Variants in CCL24 observed in about 807,000 individuals in gnomAD.
CCL24 encodes the protein C-C motif chemokine ligand 24.
Under a neutral mutation model 8.6 loss-of-function variants are expected in CCL24, and 6 were observed. The observed-to-expected ratio is 0.70, with a 90% CI of 0.38 to 1.38. CCL24 has a LOEUF of 1.38. CCL24 is among the 40% of genes most tolerant of loss of function. The pLI is 0.02. For missense variants in CCL24, 126 were observed against 147.1 expected, an observed-to-expected ratio of 0.86 and a Z score of 0.74; for synonymous variants, 59 against 52.7, an observed-to-expected ratio of 1.12 and a Z score of -0.52.
upstream of CCL24, among the ~76,000 whole-genome samples, chr7:75,818,506 T>G (rs1803943230): frequency 6.8e-6 from 1 of 147,948 alleles, no homozygotes; most frequent in Non-Finnish European, 1.5e-5. Context: ...CCAGGTGCAA[T>G]GGCTCACACA....
chr7:75,816,227 A>G (rs901402221), upstream of CCL24, among the ~76,000 whole-genome samples: 2 of 152,222 alleles, frequency 1.3e-5, no homozygotes, highest in African/African-American at 4.8e-5. Flanking sequence ...CCTCTGGACC[A>G]GGGACTCCTG....
chr7:75,820,130 T>TCTTCTC (rs1804010463), intron 1 of CCL24, among the ~76,000 whole-genome samples: 1 of 81,374 alleles, frequency 1.2e-5, no homozygotes, highest in African/African-American at 3.9e-5. Flanking sequence ...TTCTTCTTCT[T>TCTTCTC]CTCCTCCTCC....
chr7:75,819,317 T>C (rs1271478867), intron 1 of CCL24, among the ~76,000 whole-genome samples: 3 of 47,286 alleles, frequency 6.3e-5, no homozygotes, highest in African/African-American at 2.0e-4. Context: ...TATATATATA[T>C]ATATATATAT....
At chr7:75,817,868 T>C (rs1563352674), upstream of CCL24, among the ~76,000 whole-genome samples, 2 of 151,604 alleles carry the variant, frequency 1.3e-5, no homozygotes, top group Non-Finnish European at 2.9e-5. Flanking sequence ...TCTCTCTTTG[T>C]CACCCAGGCT....
chr7:75,821,797 G>A (rs1053144654), intron 1 of CCL24, among the ~76,000 whole-genome samples: 30 of 151,648 alleles, frequency 2.0e-4, no homozygotes, highest in Admixed American at 1.8e-3. Flanking sequence ...GCGTAGTGGC[G>A]GGCGCCTGTA....
upstream of CCL24, among the ~76,000 whole-genome samples, chr7:75,818,240 C>A (rs1397041553): frequency 2.0e-5 from 3 of 151,998 alleles, no homozygotes; most frequent in African/African-American, 4.8e-5. Flanking sequence ...GAGCAGACAC[C>A]ATCACAGGGC....
upstream of CCL24, among the ~76,000 whole-genome samples, chr7:75,818,023 G>A (rs1314802332): frequency 6.7e-6 from 1 of 149,854 alleles, no homozygotes; most frequent in Admixed American, 6.7e-5. Flanking sequence ...TGGAGGCGGG[G>A]TTTCACCATG....
chr7:75,820,040 C>CTTCTTCTTCTTA (rs1803996077), intron 1 of CCL24, among the ~76,000 whole-genome samples: 2 of 137,554 alleles, frequency 1.5e-5, no homozygotes, highest in African/African-American at 2.7e-5. Context: ...TCTTCTTCTT[C>CTTCTTCTTCTTA]TTCTTCTTCT....
chr7:75,814,454 T>A (rs1803843844), upstream of CCL24, among the ~76,000 whole-genome samples: 1 of 152,060 alleles, frequency 6.6e-6, no homozygotes. Context: ...TAGTCTCAGC[T>A]CTTGGGGAGG....
chr7:75,822,915 G>A (rs547771432), intron 1 of CCL24, among the ~76,000 whole-genome samples: 17 of 152,320 alleles, frequency 1.1e-4, no homozygotes, highest in South Asian at 6.2e-4. Flanking sequence ...GGCAGAACTC[G>A]TCCTACATCT....
At position 75,818,841 on chromosome 7, in the gene CCL24, G is replaced by T. The variant is rs575943030; in HGVS notation, c.-60+4481C>A. On this transcript the variant is annotated intron_variant, in intron 1 of 3. Coordinates refer to the CCL24 transcript ENST00000416943. ...GTTGGCCAGAGCGGCCTCTCCCCAAGTGTAGGACCACCAGCCATGATACAA... is the reference window on the plus strand; with the variant it reads ...GTTGGCCAGAGCGGCCTCTCCCCAATTGTAGGACCACCAGCCATGATACAA... 3.3e-5 allele frequency among the ~76,000 whole-genome samples: 5 copies of T among 152,016 alleles called. No homozygotes were observed. The East Asian group carries it at 9.7e-4, about 29-fold the overall frequency.
chr7:75,817,133 T>G (rs1803909890), upstream of CCL24, among the ~76,000 whole-genome samples: 2 of 152,086 alleles, frequency 1.3e-5, no homozygotes, highest in African/African-American at 4.8e-5. Flanking sequence ...CCCAAAGCGC[T>G]GGGATTACAG....
rs11465314 is a variant in CCL24 at position 75,811,793 on chromosome 7, G to A, written c.*3C>T. ...AACTCAGGGCTGGAGGGCTGGGCGG[G>A]GATTAGCAGGTGGTTTGGTTGCCAG... is the stretch of plus-strand genomic sequence containing the variant. On this transcript the variant is annotated 3_prime_UTR_variant, in exon 3 of 3. Transcript: ENST00000222902. The A allele has an allele frequency of 1.4e-5, 22 of 1,610,802 alleles. No homozygotes were observed. The highest frequency in any genetic ancestry group is 3.4e-5 in the Admixed American group (2 of 59,634).
At chr7:75,817,584 C>G (rs782319344), upstream of CCL24, among the ~76,000 whole-genome samples, 14 of 150,966 alleles carry the variant, frequency 9.3e-5, no homozygotes, top group Non-Finnish European at 7.4e-5. Flanking sequence ...CTCACTGGAG[C>G]CTCAACCTCC....
intron 1 of CCL24, among the ~76,000 whole-genome samples, chr7:75,822,160 C>A (rs1804065008): frequency 6.6e-6 from 1 of 152,032 alleles, no homozygotes. Context: ...CCTGTCCCGA[C>A]ACTTTGTGGC....
intron 2 of CCL24, among the ~76,000 whole-genome samples, chr7:75,812,366 T>G (rs1238062796): frequency 6.6e-6 from 1 of 152,134 alleles, no homozygotes; most frequent in Non-Finnish European, 1.5e-5. Context: ...AGATTGCAGA[T>G]GTAAGCCACT....
intron 1 of CCL24, among the ~76,000 whole-genome samples, chr7:75,819,622 C>T (rs1162185829): frequency 6.6e-6 from 1 of 151,650 alleles, no homozygotes; most frequent in Non-Finnish European, 1.5e-5. Flanking sequence ...AAGAAGGGGG[C>T]TGTCATCTCT....
intron 1 of CCL24, among the ~76,000 whole-genome samples, chr7:75,820,062 T>TTCC: frequency 7.3e-6 from 1 of 137,222 alleles, no homozygotes; most frequent in Non-Finnish European, 1.6e-5. Context: ...CTTCTTCTTC[T>TTCC]TCTTCTTCTT....
chr7:75,820,074 T>TTCTTCTTCC (rs1804000782), intron 1 of CCL24, among the ~76,000 whole-genome samples: 1 of 139,016 alleles, frequency 7.2e-6, no homozygotes, highest in African/African-American at 2.6e-5. Flanking sequence ...CTTCTTCTTC[T>TTCTTCTTCC]TCTTCTTCTT....
Sources: allele counts gnomAD v4.1 joint callset (sites outside exome capture counted in the v4.1 genomes callset), GRCh38; gene constraint gnomAD v4.1.1; transcripts MANE v1.5; gene names NCBI Gene and HGNC (gene_info 2026-07-23, HGNC 2026-07-21).